STK39: variants seen among roughly 807,000 people sequenced by gnomAD.
The protein encoded by STK39 is serine/threonine kinase 39.
A neutral mutation model predicts 77.8 loss-of-function variants in STK39; 20 were observed. That is an observed-to-expected ratio of 0.26 (90% CI 0.18 to 0.37). The LOEUF (loss-of-function observed/expected upper bound fraction) is 0.37. STK39 is among the 10% of genes least tolerant of loss of function. STK39 has a pLI of 1.00. For synonymous variants in STK39, 246 were observed against 234.1 expected (o/e 1.05, Z -0.47); for missense variants, 479 against 656.5 (o/e 0.73, Z 2.95).
At chr2:168,190,915 T>C (rs959406918) in intron 1 of STK39, among the ~76,000 whole-genome samples, 1 of 152,142 alleles carries the variant, frequency 6.6e-6, no homozygotes, top group African/African-American at 2.4e-5. Flanking sequence ...ATCAACCAAA[T>C]GGAAGCCAAA....
chr2:168,016,760 C>A (rs910422035), intron 15 of STK39, among the ~76,000 whole-genome samples: 5 of 152,188 alleles, frequency 3.3e-5, no homozygotes, highest in Admixed American at 2.6e-4. Flanking sequence ...TCCTTTAGGG[C>A]CTGCATTACC....
intron 1 of STK39, among the ~76,000 whole-genome samples, chr2:168,205,057 T>C (rs1689706351): frequency 1.3e-5 from 2 of 151,736 alleles, no homozygotes; most frequent in South Asian, 4.2e-4. Context: ...ATAGAGGGGG[T>C]GGAGAGATGA....
chr2:168,093,371 G>A (rs1437051971), intron 10 of STK39, among the ~76,000 whole-genome samples: 3 of 152,182 alleles, frequency 2.0e-5, no homozygotes, highest in African/African-American at 7.2e-5. Context: ...GAAGGCGTGG[G>A]AGGAGCTAAA....
At chr2:168,025,597 C>A (rs1358892180) in intron 14 of STK39, among the ~76,000 whole-genome samples, 1 of 152,190 alleles carries the variant, frequency 6.6e-6, no homozygotes, top group Non-Finnish European at 1.5e-5. Flanking sequence ...AGACATACAA[C>A]AGCAGGAAAA....
At chr2:168,024,308 T>A (rs574256264) in intron 14 of STK39, among the ~76,000 whole-genome samples, 243 of 152,314 alleles carry the variant, frequency 1.6e-3, no homozygotes, top group Middle Eastern at 0.014. Context: ...TTATTTGGCC[T>A]TCTGTAACCT....
chr2:168,193,278 C>A (rs1264611471), intron 1 of STK39, among the ~76,000 whole-genome samples: 1 of 152,210 alleles, frequency 6.6e-6, no homozygotes, highest in African/African-American at 2.4e-5. Context: ...AGGTCACCCT[C>A]TGCATGGTAG....
At position 168,065,453 on chromosome 2, in the gene STK39, T is replaced by A. The variant is rs78554338; in HGVS notation, c.1243-72A>T. The stretch of plus-strand genomic sequence containing the variant: ...ACACGGTGAGTGTGGTTACATTAAG[T>A]CCCAATTATCAGACCCAATAATTTC... On this transcript the variant is annotated intron_variant, in intron 12 of 17. Transcript: ENST00000355999. The A allele has an allele frequency of 3.8e-3, 5,504 of 1,459,022 alleles. 166 individuals carry two copies. The African/African-American group carries it at 0.066, about 18-fold the overall frequency. 90.4% of individuals were successfully genotyped at this position (1,459,022 alleles called of 1,614,324 possible). A position where few individuals can be genotyped will look rare whatever the true frequency, so the allele number is the denominator to read the frequency against.
chr2:168,218,710 C>G lies in STK39; in HGVS notation c.208+28518G>C, dbSNP rs543044897. On this transcript the variant is annotated intron_variant, in intron 1 of 17. Transcript: ENST00000355999. ...ACAGAATACACTCCTCCTCCACCCC[C>G]AAAAAAATCAAGTGTTAAGAAATAA... Among the ~76,000 whole-genome samples the G allele has an allele frequency of 8.5e-5, 13 of 152,348 alleles. No homozygotes were observed. The East Asian group carries it at 2.5e-3, about 29-fold the overall frequency.
intron 14 of STK39, among the ~76,000 whole-genome samples, chr2:168,053,233 C>A (rs908861298): frequency 1.6e-4 from 24 of 152,006 alleles, no homozygotes; most frequent in African/African-American, 5.8e-4. Context: ...GCATTCAATC[C>A]AAATATAAGG....
At chr2:167,990,408 C>T (rs1009159416) in intron 16 of STK39, among the ~76,000 whole-genome samples, 1 of 152,086 alleles carries the variant, frequency 6.6e-6, no homozygotes, top group Non-Finnish European at 1.5e-5. Context: ...TCCAATTCTT[C>T]GTTTAGCAGA....
At chr2:168,243,268 G>A (rs1384632815) in intron 1 of STK39, among the ~76,000 whole-genome samples, 1 of 152,150 alleles carries the variant, frequency 6.6e-6, no homozygotes, top group East Asian at 1.9e-4. Context: ...AATGCCCAGG[G>A]CTATTTACAA....
At chr2:168,225,557 T>C (rs1690283094) in intron 1 of STK39, among the ~76,000 whole-genome samples, 2 of 152,214 alleles carry the variant, frequency 1.3e-5, no homozygotes, top group African/African-American at 2.4e-5. Context: ...AGACAATTTA[T>C]AACTGAAACT....
At chr2:168,142,343 AAAG>A (rs1226312110) in intron 5 of STK39, among the ~76,000 whole-genome samples, 3 of 152,158 alleles carry the variant, frequency 2.0e-5, no homozygotes, top group Admixed American at 6.5e-5. Context: ...ATATTTCTAA[AAAG>A]AAGTTCAACG....
intron 14 of STK39, among the ~76,000 whole-genome samples, chr2:168,019,264 A>G (rs760916107): frequency 2.6e-5 from 4 of 152,222 alleles, no homozygotes; most frequent in African/African-American, 7.2e-5. Context: ...TCGGTTACCC[A>G]TGTCAGTATA....
chr2:168,151,718 G>T (rs918446567), intron 5 of STK39, among the ~76,000 whole-genome samples: 1 of 145,564 alleles, frequency 6.9e-6, no homozygotes, highest in Non-Finnish European at 1.5e-5. Flanking sequence ...CAGCCTGGGC[G>T]ACAGAGTGAG....
intron 5 of STK39, 72 bp from the exon 6 acceptor site, chr2:168,140,830 A>T (rs146202774): frequency 0.012 from 15,341 of 1,250,042 alleles, 122 homozygotes; most frequent in Non-Finnish European, 0.014. Flanking sequence ...TTTTTTGAGC[A>T]TGTCTCTTCT....
intron 1 of STK39, among the ~76,000 whole-genome samples, chr2:168,189,475 A>T (rs946239231): frequency 6.6e-6 from 1 of 152,022 alleles, no homozygotes; most frequent in Admixed American, 6.6e-5. Flanking sequence ...AAGTATGTGG[A>T]TTGGGATACC....
At chr2:168,131,700 G>C (rs1360715926) in intron 8 of STK39, among the ~76,000 whole-genome samples, 1 of 152,126 alleles carries the variant, frequency 6.6e-6, no homozygotes, top group African/African-American at 2.4e-5. Context: ...TAATTGCTTT[G>C]AGTAACTAAG....
At chr2:168,245,848 G>A (rs1170091148) in intron 1 of STK39, among the ~76,000 whole-genome samples, 1 of 152,108 alleles carries the variant, frequency 6.6e-6, no homozygotes, top group African/African-American at 2.4e-5. Flanking sequence ...AATTATGAAA[G>A]ATCTGGGTTT....
Sources: allele counts gnomAD v4.1 joint callset (sites outside exome capture counted in the v4.1 genomes callset), GRCh38; gene constraint gnomAD v4.1.1; transcripts MANE v1.5; gene names NCBI Gene and HGNC (gene_info 2026-07-23, HGNC 2026-07-21).